Variants in ANKS1B observed in about 807,000 individuals in gnomAD.
ANKS1B encodes the protein ankyrin repeat and sterile alpha motif domain containing 1B, also known as ankyrin repeat and sterile alpha motif domain-containing protein 1B.
Under a neutral mutation model 148.3 loss-of-function variants are expected in ANKS1B, and 36 were observed. That is an observed-to-expected ratio of 0.24 (90% CI 0.19 to 0.32). ANKS1B has a LOEUF of 0.32. ANKS1B is among the 10% of genes least tolerant of loss of function. The pLI, the probability that ANKS1B is intolerant of heterozygous loss-of-function variation, is 1.00. For missense variants in ANKS1B, 1,157 were observed against 1,542.6 expected (o/e 0.75, Z 4.19); for synonymous variants, 542 against 560.8 (o/e 0.97, Z 0.47).
rs187004005 is a variant in ANKS1B at position 99,262,851 on chromosome 12, T to C, written c.1757-15987A>G. ...TTTATAAAGTACATTTGGTCTTTTA[T>C]AGTGACTAGGGGAATGTGTGTGTGT... On this transcript the variant is annotated intron_variant, in intron 12 of 26. Coordinates refer to ENST00000683438, the MANE Select transcript of ANKS1B (RefSeq NM_001352186.2). 3.5e-4 allele frequency among the ~76,000 whole-genome samples: 53 copies of C among 152,194 alleles called. No homozygotes were observed. The East Asian group carries it at 9.1e-3, about 26-fold the overall frequency.
chr12:98,945,466 G>C (rs1282172545), intron 17 of ANKS1B, among the ~76,000 whole-genome samples: 1 of 136,588 alleles, frequency 7.3e-6, no homozygotes, highest in Non-Finnish European at 1.5e-5. Flanking sequence ...ATGCACACCA[G>C]CCTGGGCAGC....
At chr12:98,937,727 A>G (rs2099820095) in intron 17 of ANKS1B, among the ~76,000 whole-genome samples, 1 of 152,060 alleles carries the variant, frequency 6.6e-6, no homozygotes, top group Non-Finnish European at 1.5e-5. Context: ...TAGTCTGTAG[A>G]TCTCTGTATT....
rs777913921 is a variant in ANKS1B, at chr12:99,648,608, G to T, written c.1272+6459C>A. The T allele has an allele frequency of 9.3e-6, 15 of 1,614,044 alleles. No homozygotes were observed. In the Admixed American group the frequency reaches 2.5e-4, roughly 27 times the overall value. ...CAGCTCCACCTGAAGCTTGCCACGG[G>T]CCGCTCTTTTTATCTTCAGCTGTGT... On this transcript the variant is annotated intron_variant, in intron 9 of 26. Transcript: ENST00000683438.
At chr12:99,587,476 T>G (rs1402713354) in intron 9 of ANKS1B, among the ~76,000 whole-genome samples, 2 of 152,226 alleles carry the variant, frequency 1.3e-5, no homozygotes, top group Non-Finnish European at 1.5e-5. Context: ...ATGTGTAATA[T>G]GTCATCTCTA....
chr12:98,818,810 G>A (rs531270345), intron 19 of ANKS1B, among the ~76,000 whole-genome samples: 95 of 152,252 alleles, frequency 6.2e-4, no homozygotes, highest in Non-Finnish European at 8.7e-4. Context: ...ACTGGAGCCC[G>A]ACTGTTTGTT....
chr12:98,824,991 T>A (rs913727456), intron 19 of ANKS1B, among the ~76,000 whole-genome samples: 2 of 152,100 alleles, frequency 1.3e-5, no homozygotes, highest in African/African-American at 4.8e-5. Flanking sequence ...GAACTGTTTT[T>A]AAAATATTTT....
intron 12 of ANKS1B, among the ~76,000 whole-genome samples, chr12:99,361,690 T>C (rs916760949): frequency 2.0e-5 from 3 of 152,082 alleles, no homozygotes; most frequent in Admixed American, 2.0e-4. Flanking sequence ...TCTTTAAATT[T>C]GAATATCTAT....
intron 17 of ANKS1B, among the ~76,000 whole-genome samples, chr12:98,902,309 T>C (rs554323076): frequency 1.2e-4 from 19 of 152,334 alleles, no homozygotes; most frequent in African/African-American, 4.6e-4. Context: ...ACAGCACAGT[T>C]GGTAAGTACC....
chr12:99,772,798 A>G (rs1197680245), intron 8 of ANKS1B, 124 bp downstream of exon 8: 2 of 1,021,352 alleles, frequency 2.0e-6, no homozygotes, highest in African/African-American at 3.3e-5. Flanking sequence ...GAAAAGAGCA[A>G]TAAGGAAACT....
intron 17 of ANKS1B, among the ~76,000 whole-genome samples, chr12:98,916,196 GCTGAGCTA>G (rs1321842630): frequency 2.0e-5 from 3 of 152,234 alleles, no homozygotes; most frequent in South Asian, 2.1e-4. Context: ...ATGATTCACT[GCTGAGCTA>G]CTGAGCTACA....
chr12:98,963,433 C>T (rs1228978986), intron 17 of ANKS1B, among the ~76,000 whole-genome samples: 4 of 152,122 alleles, frequency 2.6e-5, no homozygotes. Flanking sequence ...CTGCTATGGC[C>T]TCCCAAAGTG....
chr12:98,912,199 T>C (rs2099787741), intron 17 of ANKS1B, among the ~76,000 whole-genome samples: 1 of 152,190 alleles, frequency 6.6e-6, no homozygotes, highest in Non-Finnish European at 1.5e-5. Flanking sequence ...AGAAATTTAC[T>C]CAGGGTCACT....
chr12:99,660,377 T>C (rs1362051887), intron 8 of ANKS1B, among the ~76,000 whole-genome samples: 1 of 149,446 alleles, frequency 6.7e-6, no homozygotes, highest in East Asian at 1.9e-4. Flanking sequence ...TTTTTTTTTT[T>C]TTTTGAGGTG....
chr12:98,906,898 C>T (rs1266732350), intron 17 of ANKS1B, among the ~76,000 whole-genome samples: 1 of 151,904 alleles, frequency 6.6e-6, no homozygotes, highest in Non-Finnish European at 1.5e-5. Flanking sequence ...AACATGTACA[C>T]CTGTATGTAT....
chr12:99,586,888 G>C (rs955898405), intron 9 of ANKS1B, among the ~76,000 whole-genome samples: 2 of 151,918 alleles, frequency 1.3e-5, no homozygotes, highest in African/African-American at 2.4e-5. Flanking sequence ...CTGCCCCCAT[G>C]ATTCAATAAC....
intron 25 of ANKS1B, among the ~76,000 whole-genome samples, chr12:98,760,883 C>T (rs1195430526): frequency 2.0e-5 from 3 of 152,176 alleles, no homozygotes; most frequent in African/African-American, 4.8e-5. Flanking sequence ...GATCTCTGCA[C>T]GAAGTCAAAC....
chr12:99,316,277 A>G (rs889340332), intron 12 of ANKS1B, among the ~76,000 whole-genome samples: 1 of 152,228 alleles, frequency 6.6e-6, no homozygotes, highest in African/African-American at 2.4e-5. Context: ...ACTAGTTTAC[A>G]GTCCCACCAA....
chr12:99,951,035 A>T (rs976397944), intron 1 of ANKS1B, among the ~76,000 whole-genome samples: 1 of 152,126 alleles, frequency 6.6e-6, no homozygotes, highest in Non-Finnish European at 1.5e-5. Context: ...ACTGAAAAGG[A>T]TTTCCCCCTC....
At chr12:99,381,966 A>G (rs559998518) in intron 12 of ANKS1B, among the ~76,000 whole-genome samples, 2 of 152,236 alleles carry the variant, frequency 1.3e-5, no homozygotes, top group Non-Finnish European at 2.9e-5. Flanking sequence ...AACATGTTTT[A>G]CAGATACAAA....
Sources: allele counts gnomAD v4.1 joint callset (sites outside exome capture counted in the v4.1 genomes callset), GRCh38; gene constraint gnomAD v4.1.1; transcripts MANE v1.5; gene names NCBI Gene and HGNC (gene_info 2026-07-23, HGNC 2026-07-21).